Variants in USP37 observed in about 807,000 individuals in gnomAD.
The protein encoded by USP37 is ubiquitin specific peptidase 37.
A neutral mutation model predicts 124.0 loss-of-function variants in USP37; 27 were observed. The observed-to-expected ratio is 0.22, with a 90% CI of 0.16 to 0.30. The LOEUF (loss-of-function observed/expected upper bound fraction) is 0.30. Among genes scored for constraint, USP37 ranks in the 10% least tolerant of loss-of-function variants. The pLI is 1.00. For synonymous variants in USP37, 365 were observed against 388.0 expected (o/e 0.94, Z 0.70); for missense variants, 889 against 1,140.4 (o/e 0.78, Z 3.17).
At position 218,452,968 on chromosome 2, in the gene USP37, T is replaced by G. The variant is rs1689527612; in HGVS notation, c.*1962A>C. 2 of 152,144 alleles carry G rather than the reference T, an allele frequency of 1.3e-5. No homozygotes were observed. Among genetic ancestry groups the G allele is most frequent in the Admixed American group, 1.3e-4 (2 of 15,270 alleles). The allele number at this position is 152,144 out of a possible 1,614,324, so 9.4% of individuals were successfully genotyped here. The stretch of plus-strand genomic sequence containing the variant: ...AAATGAAACAAAACTTTAAAGCTAG[T>G]TTTAAAACAAATATTTTCCTCTGCT... On this transcript the variant is annotated 3_prime_UTR_variant, in exon 26 of 26. Coordinates refer to ENST00000258399, the MANE Select transcript of USP37 (RefSeq NM_020935.3).
At chr2:218,522,192 A>C (rs1690691611) in intron 10 of USP37, among the ~76,000 whole-genome samples, 1 of 151,938 alleles carries the variant, frequency 6.6e-6, no homozygotes, top group African/African-American at 2.4e-5. Context: ...TTAAGTCTTA[A>C]TATCTGGCCA....
At chr2:218,463,455 T>G in intron 21 of USP37, 89 bp from the exon 22 acceptor site, 2 of 1,197,300 alleles carry the variant, frequency 1.7e-6, no homozygotes, top group Non-Finnish European at 2.5e-6. Context: ...TCTGGAAGCA[T>G]TTGCTAAGAA....
chr2:218,477,011 G>T, intron 18 of USP37, 30 bp from the exon 19 acceptor site: 2 of 1,465,990 alleles, frequency 1.4e-6, no homozygotes, highest in Non-Finnish European at 9.1e-7. Context: ...AAAAAAGCCT[G>T]ATAAACATTT....
chr2:218,517,851 CTATAT>C (rs1392939286), intron 10 of USP37, among the ~76,000 whole-genome samples: 2 of 152,156 alleles, frequency 1.3e-5, no homozygotes, highest in Non-Finnish European at 2.9e-5. Flanking sequence ...GACCTTTTAA[CTATAT>C]TATGTCTCTT....
chr2:218,558,645 A>G lies in USP37; in HGVS notation c.9T>C (p.Pro3=), dbSNP rs1329624718. 40 of 1,596,378 alleles carry G rather than the reference A, an allele frequency of 2.5e-5. No homozygotes were observed. Among genetic ancestry groups the G allele is most frequent in the Non-Finnish European group, 3.4e-5 (40 of 1,172,908 alleles). The stretch of plus-strand genomic sequence containing the variant: ...TTCTGATAGGACCATGTATCTTCAG[A>G]GGAGACATATTTTCTTTAAAAATTG... MS[P]LKIHGPIRIR... is the part of the protein sequence containing the mutation. Residue 3 remains proline (P), a synonymous_variant, in exon 4 of 26, where the codon CCT becomes CCC. Transcript: ENST00000258399.
At chr2:218,548,394 G>A (rs767006105) in intron 6 of USP37, among the ~76,000 whole-genome samples, 4 of 152,038 alleles carry the variant, frequency 2.6e-5, no homozygotes, top group Non-Finnish European at 5.9e-5. Context: ...AGGCTGGAGT[G>A]CAGTGGCACA....
intron 13 of USP37, 70 bp from the exon 14 acceptor site, chr2:218,496,020 G>A: frequency 4.8e-6 from 7 of 1,458,572 alleles, no homozygotes; most frequent in Non-Finnish European, 6.5e-6. Flanking sequence ...GAGGCTGGGT[G>A]TTGTGCCTCA....
At chr2:218,537,490 C>A (rs560489650) in intron 8 of USP37, among the ~76,000 whole-genome samples, 1 of 152,144 alleles carries the variant, frequency 6.6e-6, no homozygotes, top group Non-Finnish European at 1.5e-5. Context: ...ACTACAGAGG[C>A]GTAACAAAAT....
chr2:218,524,391 C>T (rs1302763854), intron 10 of USP37, among the ~76,000 whole-genome samples: 1 of 152,100 alleles, frequency 6.6e-6, no homozygotes, highest in Non-Finnish European at 1.5e-5. Flanking sequence ...TGAACCACTG[C>T]TCCACTCCCA....
At chr2:218,497,418 G>T (rs1412593865) in intron 13 of USP37, among the ~76,000 whole-genome samples, 1 of 150,898 alleles carries the variant, frequency 6.6e-6, no homozygotes, top group Admixed American at 6.6e-5. Context: ...TTTTGAGATG[G>T]AGTCTTGCTC....
intron 12 of USP37, 60 bp downstream of exon 12, chr2:218,497,966 C>T: frequency 6.4e-7 from 1 of 1,567,654 alleles, no homozygotes; most frequent in South Asian, 1.2e-5. Flanking sequence ...TCTAAAATTC[C>T]ATTATTCTAT....
chr2:218,524,890 G>GT (rs1286288956), intron 10 of USP37, among the ~76,000 whole-genome samples: 1 of 152,186 alleles, frequency 6.6e-6, no homozygotes, highest in African/African-American at 2.4e-5. Context: ...GGTTACAGGC[G>GT]TGAGCCACCA....
chr2:218,491,351 A>C (rs1691935134), intron 14 of USP37, among the ~76,000 whole-genome samples: 1 of 152,174 alleles, frequency 6.6e-6, no homozygotes, highest in South Asian at 2.1e-4. Flanking sequence ...TCCAGTGGAC[A>C]GCTAGCAAGA....
At chr2:218,485,623 T>A (rs769951907) in intron 16 of USP37, 41 bp downstream of exon 16, 1 of 1,520,036 alleles carries the variant, frequency 6.6e-7, no homozygotes, top group South Asian at 1.3e-5. Context: ...CTGGGAATTC[T>A]TTAGTCCATA....
chr2:218,547,496 A>C (rs1692414307), intron 6 of USP37, among the ~76,000 whole-genome samples: 1 of 151,098 alleles, frequency 6.6e-6, no homozygotes, highest in Admixed American at 6.7e-5. Context: ...TGAGCTTGAC[A>C]CTTATTTTCC....
chr2:218,541,851 A>T (rs141779568), intron 8 of USP37, among the ~76,000 whole-genome samples: 64 of 152,306 alleles, frequency 4.2e-4, no homozygotes, highest in African/African-American at 1.4e-3. Flanking sequence ...GTGACGCTCC[A>T]TCAGAGTCTC....
At chr2:218,460,184 G>C (rs1362166100) in intron 22 of USP37, among the ~76,000 whole-genome samples, 1 of 151,018 alleles carries the variant, frequency 6.6e-6, no homozygotes, top group African/African-American at 2.4e-5. Context: ...CTTGAACCCA[G>C]GAGGCAGAGA....
At chr2:218,495,513 A>G (rs1689037563) in intron 14 of USP37, among the ~76,000 whole-genome samples, 1 of 152,162 alleles carries the variant, frequency 6.6e-6, no homozygotes, top group South Asian at 2.1e-4. Context: ...TTCCCCTATG[A>G]CGTAGAAAGG....
At position 218,452,211 on chromosome 2, in the gene USP37, A is replaced by G. The variant is rs1451738108; in HGVS notation, c.*2719T>C. 2.0e-5 allele frequency: 3 copies of G among 152,150 alleles called. No individual in the cohort carries two copies. The highest frequency in any genetic ancestry group is 4.8e-5 in the African/African-American group (2 of 41,436). The allele number at this position is 152,150 out of a possible 1,614,324, so 9.4% of individuals were successfully genotyped here. ...ATTCAATGTCATTTAAAGTAATGTAACCACACATTTGGTATTTTCAATAGG... is the reference window on the plus strand; with the variant it reads ...ATTCAATGTCATTTAAAGTAATGTAGCCACACATTTGGTATTTTCAATAGG... On this transcript the variant is annotated 3_prime_UTR_variant, in exon 26 of 26. Transcript: ENST00000258399.
Sources: allele counts gnomAD v4.1 joint callset (sites outside exome capture counted in the v4.1 genomes callset), GRCh38; gene constraint gnomAD v4.1.1; transcripts MANE v1.5; gene names NCBI Gene and HGNC (gene_info 2026-07-23, HGNC 2026-07-21).